Variants in TNPO1 observed in about 807,000 individuals in gnomAD.
TNPO1 encodes the protein transportin 1.
Under a neutral mutation model 119.5 loss-of-function variants are expected in TNPO1, and 8 were observed. That is an observed-to-expected ratio of 0.07 (90% CI 0.04 to 0.12). The LOEUF (loss-of-function observed/expected upper bound fraction) is 0.12, where lower values mean the gene tolerates loss of function less well. Ranked by LOEUF, TNPO1 falls within the 10% of genes least tolerant of loss-of-function variation. The probability of loss-of-function intolerance (pLI) is 1.00; values close to 1 mark genes in which losing one functional copy is unlikely to be tolerated. For synonymous variants in TNPO1, 362 were observed against 363.0 expected (o/e 1.00, Z 0.03); for missense variants, 576 against 1,089.8 (o/e 0.53, Z 6.64).
intron 1 of TNPO1, among the ~76,000 whole-genome samples, chr5:72,817,421 G>A (rs2112146629): frequency 6.6e-6 from 1 of 152,352 alleles, no homozygotes; most frequent in South Asian, 2.1e-4. Context: ...CTGCTGAGGA[G>A]CAGATTGGCC....
At chr5:72,879,489 T>G (rs73762225) in intron 9 of TNPO1, among the ~76,000 whole-genome samples, 2,140 of 152,328 alleles carry the variant, frequency 0.014, 66 homozygotes, top group African/African-American at 0.049. Context: ...GTGCCAACAT[T>G]AAACAACTCA....
intron 3 of TNPO1, among the ~76,000 whole-genome samples, chr5:72,854,639 C>T (rs1169958528): frequency 6.6e-6 from 1 of 152,120 alleles, no homozygotes; most frequent in African/African-American, 2.4e-5. Context: ...AAGTGCAGTG[C>T]CACTTGGAAA....
chr5:72,876,890 C>T (rs1232161411), intron 8 of TNPO1, among the ~76,000 whole-genome samples: 4 of 151,942 alleles, frequency 2.6e-5, no homozygotes, highest in Non-Finnish European at 5.9e-5. Context: ...GTCAGGAGAT[C>T]GAGACCATCC....
At chr5:72,856,031 T>C (rs34660) in intron 4 of TNPO1, 108 bp downstream of exon 4, 2 of 1,203,350 alleles carry the variant, frequency 1.7e-6, no homozygotes, top group Admixed American at 4.2e-5. Context: ...TTAAATTGTG[T>C]TGGGGAAACT....
At chr5:72,848,294 G>T in intron 1 of TNPO1, 91 bp from the exon 2 acceptor site, 2 of 1,363,346 alleles carry the variant, frequency 1.5e-6, no homozygotes, top group Non-Finnish European at 9.6e-7. Flanking sequence ...GTGGCGGGGA[G>T]AACGGGTCAG....
At chr5:72,848,615 C>A in intron 2 of TNPO1, 117 bp downstream of exon 2, 1 of 432,198 alleles carries the variant, frequency 2.3e-6, no homozygotes, top group Non-Finnish European at 3.7e-6. Context: ...TCCTCCGAGA[C>A]CGGCCTCCTC....
intron 3 of TNPO1, among the ~76,000 whole-genome samples, chr5:72,853,120 C>T (rs890209260): frequency 6.6e-6 from 1 of 152,134 alleles, no homozygotes; most frequent in African/African-American, 2.4e-5. Context: ...AAGGATACTT[C>T]CTTCAGGCCA....
chr5:72,861,711 T>A (rs910996117), intron 4 of TNPO1, 97 bp from the exon 5 acceptor site: 4 of 866,804 alleles, frequency 4.6e-6, no homozygotes, highest in Non-Finnish European at 7.5e-6. Context: ...CCAAATGTTA[T>A]TATTTACATA....
At chr5:72,832,213 T>C (rs1744506680) in intron 1 of TNPO1, among the ~76,000 whole-genome samples, 1 of 152,150 alleles carries the variant, frequency 6.6e-6, no homozygotes, top group Non-Finnish European at 1.5e-5. Flanking sequence ...CAGTAATTTG[T>C]TAAAAGTTGA....
chr5:72,854,168 T>G (rs1745806160), intron 3 of TNPO1, among the ~76,000 whole-genome samples: 1 of 152,234 alleles, frequency 6.6e-6, no homozygotes, highest in South Asian at 2.1e-4. Context: ...AATATCTGGC[T>G]TCATTTATTT....
chr5:72,826,420 C>T (rs1187802869), intron 1 of TNPO1, among the ~76,000 whole-genome samples: 1 of 152,106 alleles, frequency 6.6e-6, no homozygotes, highest in Admixed American at 6.5e-5. Context: ...AAAATATTTA[C>T]TCTCTGTCCC....
intron 15 of TNPO1, 147 bp from the exon 16 acceptor site, chr5:72,892,992 T>TG: frequency 2.2e-6 from 1 of 460,240 alleles, no homozygotes; most frequent in Non-Finnish European, 3.7e-6. Flanking sequence ...AAGAGAGGGT[T>TG]GGGGTGGGGG....
At chr5:72,844,041 GCAA>G (rs1370299514) in intron 1 of TNPO1, among the ~76,000 whole-genome samples, 3 of 152,196 alleles carry the variant, frequency 2.0e-5, no homozygotes, top group African/African-American at 7.2e-5. Context: ...TGAATTAATA[GCAA>G]CAACAATAGC....
Position 72,848,183 on chromosome 5 carries a change from G to A in TNPO1, c.16-202G>A. On this transcript the variant is annotated intron_variant, in intron 1 of 24. Coordinates refer to ENST00000337273, the MANE Select transcript of TNPO1 (RefSeq NM_002270.4). ...GGCGGCAGCAGCAGCAGACGCTGGCGGCCGGGCTGCCAGGAGCAGTTCCGC... is the reference window on the plus strand; with the variant it reads ...GGCGGCAGCAGCAGCAGACGCTGGCAGCCGGGCTGCCAGGAGCAGTTCCGC... 5 of 1,212,838 alleles carry A rather than the reference G, an allele frequency of 4.1e-6. No individual in the cohort carries two copies. In the South Asian group the frequency reaches 8.4e-5, roughly 20 times the overall value. The allele number at this position is 1,212,838 out of a possible 1,614,324, so 75.1% of individuals were successfully genotyped here.
At chr5:72,869,796 A>G (rs1232821237) in intron 6 of TNPO1, among the ~76,000 whole-genome samples, 3 of 152,240 alleles carry the variant, frequency 2.0e-5, no homozygotes, top group Admixed American at 6.5e-5. Flanking sequence ...TGCCATTTAT[A>G]TAGTATCAGA....
At chr5:72,887,967 T>C (rs1263078918) in intron 12 of TNPO1, 111 bp from the exon 13 acceptor site, 1 of 997,098 alleles carries the variant, frequency 1.0e-6, no homozygotes, top group African/African-American at 1.6e-5. Context: ...AGTATGTGTA[T>C]AGCAGTAGAA....
At chr5:72,866,222 T>A (rs1487071989) in intron 6 of TNPO1, among the ~76,000 whole-genome samples, 1 of 152,214 alleles carries the variant, frequency 6.6e-6, no homozygotes, top group Non-Finnish European at 1.5e-5. Flanking sequence ...TATTCCCCAG[T>A]GGCTGTTGTT....
intron 1 of TNPO1, among the ~76,000 whole-genome samples, chr5:72,827,154 C>A (rs902767845): frequency 1.3e-4 from 20 of 151,558 alleles, no homozygotes; most frequent in African/African-American, 4.6e-4. Flanking sequence ...AAGTAAAGGC[C>A]CTTAGGTGGG....
chr5:72,833,341 C>T (rs1168646255), intron 1 of TNPO1, among the ~76,000 whole-genome samples: 1 of 152,114 alleles, frequency 6.6e-6, no homozygotes, highest in African/African-American at 2.4e-5. Flanking sequence ...CCACCTCTAC[C>T]TCCCTAAGTG....
Sources: allele counts gnomAD v4.1 joint callset (sites outside exome capture counted in the v4.1 genomes callset), GRCh38; gene constraint gnomAD v4.1.1; transcripts MANE v1.5; gene names NCBI Gene and HGNC (gene_info 2026-07-23, HGNC 2026-07-21).